The following EFTUD2 variants were observed in gnomAD, a reference collection of about 807,000 sequenced individuals.
EFTUD2 encodes the protein elongation factor Tu GTP binding domain containing 2.
A neutral mutation model predicts 114.3 loss-of-function variants in EFTUD2; 9 were observed. The observed-to-expected ratio is 0.08, with a 90% CI of 0.05 to 0.14. The LOEUF (loss-of-function observed/expected upper bound fraction) is 0.14, where lower values mean the gene tolerates loss of function less well. Ranked by LOEUF, EFTUD2 falls within the 10% of genes least tolerant of loss-of-function variation. EFTUD2 has a pLI of 1.00. For synonymous variants in EFTUD2, 449 were observed against 462.3 expected (o/e 0.97, Z 0.37); for missense variants, 765 against 1,241.2 (o/e 0.62, Z 5.76).
Position 44,872,577 on chromosome 17 carries a change from C to G in EFTUD2, c.870-7G>C. 1 of 1,604,352 alleles carries G rather than the reference C, an allele frequency of 6.2e-7. No homozygotes were observed. Among genetic ancestry groups the G allele is most frequent in the Non-Finnish European group, 8.5e-7 (1 of 1,174,612 alleles). On this transcript the variant is annotated splice_region_variant and splice_polypyrimidine_tract_variant and intron_variant, in intron 10 of 27. Coordinates refer to ENST00000426333, the MANE Select transcript of EFTUD2 (RefSeq NM_004247.4). Reference sequence around the variant, plus strand: ...CTCATCAGTGGAATACATGCTGAAACAGAGACAGTGGTGAACACAGTGCCA... The same window carrying G: ...CTCATCAGTGGAATACATGCTGAAAGAGAGACAGTGGTGAACACAGTGCCA...
rs752672329 is a variant in EFTUD2, at chr17:44,881,713, T to C, written c.502A>G (p.Thr168Ala). 7 of 1,614,068 alleles carry C rather than the reference T, an allele frequency of 4.3e-6. No homozygotes were observed. Among genetic ancestry groups the C allele is most frequent in the East Asian group, 4.5e-5 (2 of 44,898 alleles). Residue 168 changes from threonine (T) to alanine (A), a missense_variant, in exon 7 of 28, where the codon ACT becomes GCT. Coordinates refer to ENST00000426333, the MANE Select transcript of EFTUD2 (RefSeq NM_004247.4). ...TCTTGCTCTGTGAAGAGGATGTCAGTATAGCACAGCTGAAAAAAAATTAAC... is the reference window on the plus strand; with the variant it reads ...TCTTGCTCTGTGAAGAGGATGTCAGCATAGCACAGCTGAAAAAAAATTAAC... ...RKRYDQDLCYTDILFTEQERG... is the reference protein window; with the variant it reads ...RKRYDQDLCYADILFTEQERG...
chr17:44,861,163 G>A (rs2050652186), intron 16 of EFTUD2, among the ~76,000 whole-genome samples: 1 of 152,188 alleles, frequency 6.6e-6, no homozygotes, highest in Non-Finnish European at 1.5e-5. Flanking sequence ...AAAGAAGGCC[G>A]GGTGTGGCGG....
intron 17 of EFTUD2, 102 bp from the exon 18 acceptor site, chr17:44,860,147 G>A (rs2050630165): frequency 2.6e-6 from 4 of 1,530,024 alleles, no homozygotes; most frequent in Non-Finnish European, 3.6e-6. Context: ...ATCAGACTAT[G>A]TATTCCCCAA....
intron 4 of EFTUD2, 89 bp downstream of exon 4, chr17:44,885,167 G>T: frequency 2.0e-6 from 2 of 975,828 alleles, no homozygotes; most frequent in Non-Finnish European, 3.2e-6. Context: ...CAATTTACTA[G>T]CTATTTCAGC....
chr17:44,898,214 T>C (rs2051429827), intron 1 of EFTUD2, among the ~76,000 whole-genome samples: 1 of 152,200 alleles, frequency 6.6e-6, no homozygotes, highest in South Asian at 2.1e-4. Context: ...AAATTATTTA[T>C]TTATTTTATA....
chr17:44,862,272 A>C (rs149075541), intron 16 of EFTUD2, among the ~76,000 whole-genome samples: 13 of 152,186 alleles, frequency 8.5e-5, no homozygotes, highest in Non-Finnish European at 1.5e-4. Flanking sequence ...TTGTCTCTAC[A>C]AAAAATTTAA....
At chr17:44,879,678 G>C in intron 8 of EFTUD2, 40 bp from the exon 9 acceptor site, 1 of 1,601,244 alleles carries the variant, frequency 6.2e-7, no homozygotes, top group Non-Finnish European at 8.5e-7. Context: ...CTTGGTGCAG[G>C]ATAAAGCACA....
intron 3 of EFTUD2, among the ~76,000 whole-genome samples, chr17:44,885,997 G>C (rs1018929624): frequency 6.6e-6 from 1 of 152,078 alleles, no homozygotes; most frequent in African/African-American, 2.4e-5. Flanking sequence ...AGCTCTTTGG[G>C]AGGACAGGGC....
In EFTUD2 at chr17:44,883,482, G is replaced by C. The variant is rs550542590; in HGVS notation, c.426+167C>G. On this transcript the variant is annotated intron_variant, in intron 5 of 27. Transcript: ENST00000426333. ...GGAACAGGCTCCACCTGCTGCTTGG[G>C]AAAAGCCAGAATTTCACAGTATGAC... The C allele has an allele frequency of 4.5e-5, 31 of 689,438 alleles. No homozygotes were observed. In the East Asian group the frequency reaches 8.3e-4, roughly 18 times the overall value. 42.7% of individuals were successfully genotyped at this position (689,438 alleles called of 1,614,324 possible). A position where few individuals can be genotyped will look rare whatever the true frequency, so the allele number is the denominator to read the frequency against.
rs2050628026 is a variant in EFTUD2, at chr17:44,860,030, G to A, written c.1735C>T (p.Pro579Ser). 1.9e-6 allele frequency: 3 copies of A among 1,614,092 alleles called. No homozygotes were observed. Among genetic ancestry groups the A allele is most frequent in the South Asian group, 1.1e-5 (1 of 91,090 alleles). The change falls in exon 18 of 28, where the codon CCC becomes TCC. Residue 579 changes from proline (P) to serine (S), a missense_variant. Coordinates refer to ENST00000426333, the MANE Select transcript of EFTUD2 (RefSeq NM_004247.4). ...RGNEEAQIFR[P>S]LKFNTTSVIK... The stretch of plus-strand genomic sequence containing the variant: ...ACAGATGTGGTATTGAACTTCAAGG[G>A]TCGGAAAATCTGAGCCTGAGATCCA...
chr17:44,882,237 T>A (rs1597818360), intron 6 of EFTUD2, among the ~76,000 whole-genome samples: 1 of 150,852 alleles, frequency 6.6e-6, no homozygotes, highest in Non-Finnish European at 1.5e-5. Flanking sequence ...CATGGCTGGG[T>A]TTTTCTTTTT....
Position 44,851,337 on chromosome 17 carries a change from G to A in EFTUD2, c.2856C>T (p.Phe952=). Residue 952 remains phenylalanine, a synonymous_variant, in exon 28 of 28, where the codon TTC becomes TTT. Transcript: ENST00000426333. ...GTTCCAGCAACATAGGATCATCGAAGAATTTGCTGATGCTCACATCTTCAC... is the reference window on the plus strand; with the variant it reads ...GTTCCAGCAACATAGGATCATCGAAAAATTTGCTGATGCTCACATCTTCAC... ...GLSEDVSISK[F]FDDPMLLELA... The A allele has an allele frequency of 6.2e-7, 1 of 1,614,094 alleles. No homozygotes were observed. The highest frequency in any genetic ancestry group is 8.5e-7 in the Non-Finnish European group (1 of 1,180,028).
chr17:44,885,115 G>C, intron 4 of EFTUD2, 141 bp downstream of exon 4: 1 of 674,322 alleles, frequency 1.5e-6, no homozygotes, highest in Non-Finnish European at 2.6e-6. Flanking sequence ...TATCCCAGCA[G>C]CCACACAAGC....
chr17:44,859,074 C>T lies in EFTUD2; in HGVS notation c.1962+6G>A. ...TGAACCCAGCTCCCGGCAGATACTG[C>T]TGTACCTTGATGTCTATCTCTGAGT... On this transcript the variant is annotated splice_donor_region_variant and intron_variant, in intron 19 of 27. Coordinates refer to ENST00000426333, the MANE Select transcript of EFTUD2 (RefSeq NM_004247.4). 6.3e-7 allele frequency: 1 copy of T among 1,598,314 alleles called. No individual in the cohort carries two copies. Among genetic ancestry groups the T allele is most frequent in the Non-Finnish European group, 8.6e-7 (1 of 1,165,568 alleles).
At chr17:44,882,387 G>A (rs1331933178) in intron 6 of EFTUD2, among the ~76,000 whole-genome samples, 2 of 151,992 alleles carry the variant, frequency 1.3e-5, no homozygotes, top group Non-Finnish European at 2.9e-5. Flanking sequence ...GAGTAGCTGG[G>A]ACTACAGGTG....
At position 44,863,770 on chromosome 17, in the gene EFTUD2, A is replaced by T; in HGVS notation, c.1298T>A (p.Met433Lys). The T allele has an allele frequency of 6.2e-7, 1 of 1,614,072 alleles. No individual in the cohort carries two copies. Among genetic ancestry groups the T allele is most frequent in the Non-Finnish European group, 8.5e-7 (1 of 1,179,926 alleles). Residue 433 changes from methionine (M) to lysine (K), a missense_variant, in exon 15 of 28, where the codon ATG (methionine) becomes AAG (lysine). By Grantham distance (95) the Met-to-Lys change is moderately conservative. Around this residue, in one of 6 missense-constraint regions of EFTUD2, gnomAD observed 251 missense variants for 357.7 expected, o/e 0.70. Coordinates refer to ENST00000426333, the MANE Select transcript of EFTUD2 (RefSeq NM_004247.4). ...FFGEFTGFVD[M>K]CVQHIPSPKV... ...TGGAGAAGGGATATGCTGCACACACATGTCCACAAAGCCTGTGGATGGAGA... is the reference window on the plus strand; with the variant it reads ...TGGAGAAGGGATATGCTGCACACACTTGTCCACAAAGCCTGTGGATGGAGA...
chr17:44,877,203 G>GAAA (rs879579066), intron 9 of EFTUD2, among the ~76,000 whole-genome samples: 1 of 142,758 alleles, frequency 7.0e-6, no homozygotes, highest in Non-Finnish European at 1.5e-5. Context: ...CTCTTTGAAG[G>GAAA]AAAAAAAAAA....
intron 11 of EFTUD2, among the ~76,000 whole-genome samples, chr17:44,872,100 A>G (rs1476916616): frequency 6.6e-6 from 1 of 152,206 alleles, no homozygotes; most frequent in Non-Finnish European, 1.5e-5. Context: ...TAGAAGCACT[A>G]ACAGTGAGGG....
Position 44,849,997 on chromosome 17 carries a change from CTG to C in EFTUD2, c.*1275_*1276del, listed in dbSNP as rs936864624. The C allele has an allele frequency of 1.2e-5, 3 of 242,914 alleles. No individual in the cohort carries two copies. Among genetic ancestry groups the C allele is most frequent in the African/African-American group, 4.4e-5 (2 of 45,740 alleles). The allele number at this position is 242,914 out of a possible 1,614,324, so 15.0% of individuals were successfully genotyped here. On this transcript the variant is annotated 3_prime_UTR_variant, in exon 28 of 28. Transcript: ENST00000426333. Reference sequence around the variant, plus strand: ...TAAAAAGCAGACAGCCACTTGCTAACTGTGTGACAGTGGACAAATCTTTCTCA... The same window carrying C: ...TAAAAAGCAGACAGCCACTTGCTAACTGTGACAGTGGACAAATCTTTCTCA...
Sources: allele counts gnomAD v4.1 joint callset (sites outside exome capture counted in the v4.1 genomes callset), GRCh38; gene constraint gnomAD v4.1.1; regional missense constraint gnomAD v4.1.1; transcripts MANE v1.5; gene names NCBI Gene and HGNC (gene_info 2026-07-23, HGNC 2026-07-21).